TULP3: variants seen among roughly 807,000 people sequenced by gnomAD.
TULP3 encodes the protein TUB like protein 3.
TULP3 carries 38 observed loss-of-function variants against 50.7 expected under a neutral mutation model. The ratio of observed to expected loss-of-function variants is 0.75; its 90% CI spans 0.58 to 0.98. TULP3 has a LOEUF of 0.98. Ranked by LOEUF, TULP3 falls within the 50% of genes least tolerant of loss-of-function variation. The pLI, the probability that TULP3 is intolerant of heterozygous loss-of-function variation, is 0.00. For synonymous variants in TULP3, 183 were observed against 196.6 expected, an observed-to-expected ratio of 0.93 and a Z score of 0.58; for missense variants, 550 against 568.0, an observed-to-expected ratio of 0.97 and a Z score of 0.32.
intron 10 of TULP3, 66 bp downstream of exon 10, chr12:2,938,351 A>G: frequency 6.5e-7 from 1 of 1,528,864 alleles, no homozygotes. Context: ...GGGAATGCAC[A>G]TTCCCTGTAC....
At chr12:2,931,742 T>TTAATA (rs2098198181) in intron 6 of TULP3, among the ~76,000 whole-genome samples, 1 of 152,156 alleles carries the variant, frequency 6.6e-6, no homozygotes, top group Non-Finnish European at 1.5e-5. Flanking sequence ...TAATACCAGG[T>TTAATA]CTTAACAGAT....
intron 4 of TULP3, among the ~76,000 whole-genome samples, chr12:2,924,198 G>A (rs1255108231): frequency 6.6e-6 from 1 of 152,152 alleles, no homozygotes; most frequent in Non-Finnish European, 1.5e-5. Context: ...CACTTTCCCA[G>A]AGAAAGTGAT....
At position 2,938,150 on chromosome 12, in the gene TULP3, A is replaced by C. The variant is rs1248541438; in HGVS notation, c.1060A>C (p.Thr354Pro). Residue 354 changes from threonine to proline, a missense_variant, in exon 10 of 11, where the codon ACT becomes CCT. Thr to Pro is a conservative substitution (Grantham distance 38). Transcript: ENST00000448120. ...TTTGCTCTCAAGGTGGCAGAACAGAACTATGGAAAATCTGGTTGAGCTGCA... is the reference window on the plus strand; with the variant it reads ...TTTGCTCTCAAGGTGGCAGAACAGACCTATGGAAAATCTGGTTGAGCTGCA... ...DSLLSRWQNRTMENLVELHNK... is the reference protein window; with the variant it reads ...DSLLSRWQNRPMENLVELHNK... The C allele has an allele frequency of 6.2e-7, 1 of 1,614,098 alleles. No individual in the cohort carries two copies. The highest frequency in any genetic ancestry group is 8.5e-7 in the Non-Finnish European group (1 of 1,180,040).
chr12:2,901,545 C>G (rs2098179293), intron 1 of TULP3, among the ~76,000 whole-genome samples: 1 of 151,690 alleles, frequency 6.6e-6, no homozygotes, highest in African/African-American at 2.4e-5. Flanking sequence ...CCACACCTGG[C>G]TTATTTTTTG....
At chr12:2,925,845 G>A (rs982992943) in intron 4 of TULP3, among the ~76,000 whole-genome samples, 1 of 152,198 alleles carries the variant, frequency 6.6e-6, no homozygotes, top group Non-Finnish European at 1.5e-5. Flanking sequence ...ATCCCTGACT[G>A]TAAACACCAC....
rs1390422418 is a variant in TULP3 at position 2,940,182 on chromosome 12, A to G, written c.*738A>G. The stretch of plus-strand genomic sequence containing the variant: ...TGACAGTAATGTGATAATTGCCTTC[A>G]TTTTCAACCCAGGAGTGCCTCTCAC... On this transcript the variant is annotated 3_prime_UTR_variant, in exon 11 of 11. Coordinates refer to ENST00000448120, the MANE Select transcript of TULP3 (RefSeq NM_003324.5). 1 of 1,311,522 alleles carries G rather than the reference A, an allele frequency of 7.6e-7. No individual in the cohort carries two copies. Among genetic ancestry groups the G allele is most frequent in the South Asian group, 1.2e-5 (1 of 81,226 alleles). The allele number at this position is 1,311,522 out of a possible 1,614,324, so 81.2% of individuals were successfully genotyped here.
intron 2 of TULP3, among the ~76,000 whole-genome samples, chr12:2,920,544 A>G (rs1044755664): frequency 1.3e-5 from 2 of 152,152 alleles, no homozygotes; most frequent in Non-Finnish European, 2.9e-5. Context: ...CTGATTTTAA[A>G]TAGATCTTTA....
At chr12:2,916,892 T>A (rs1393930094) in intron 2 of TULP3, among the ~76,000 whole-genome samples, 1 of 152,130 alleles carries the variant, frequency 6.6e-6, no homozygotes, top group Admixed American at 6.6e-5. Context: ...CTACAGTTGT[T>A]TTTTTCTTAA....
At chr12:2,900,296 C>T (rs543456444) in intron 1 of TULP3, among the ~76,000 whole-genome samples, 1 of 152,266 alleles carries the variant, frequency 6.6e-6, no homozygotes, top group African/African-American at 2.4e-5. Context: ...TACTTTCCTC[C>T]TTTCTCCTCA....
intron 2 of TULP3, among the ~76,000 whole-genome samples, chr12:2,919,585 G>C (rs1565503193): frequency 6.6e-6 from 1 of 152,128 alleles, no homozygotes; most frequent in Non-Finnish European, 1.5e-5. Context: ...ACAGTAGTAA[G>C]TGGGTTATAA....
At position 2,894,093 on chromosome 12, in the gene TULP3, C is replaced by T. The variant is rs556230941; in HGVS notation, c.41+3105C>T. ...TGCTGGAACTTGAGCCCTATCTGGC[C>T]TTTTGTAAGTGATAGAGAATTGAGA... On this transcript the variant is annotated intron_variant, in intron 1 of 10. Transcript: ENST00000448120. Among the ~76,000 whole-genome samples the T allele has an allele frequency of 9.9e-5, 15 of 152,174 alleles. No homozygotes were observed. In the South Asian group the frequency reaches 3.1e-3, roughly 32 times the overall value.
intron 4 of TULP3, among the ~76,000 whole-genome samples, chr12:2,925,479 G>A (rs1280240561): frequency 6.6e-6 from 1 of 152,208 alleles, no homozygotes; most frequent in African/African-American, 2.4e-5. Flanking sequence ...AGAAGGATGT[G>A]TGTCTGCCTA....
rs932855425 is a variant in TULP3 at position 2,911,059 on chromosome 12, C to T, written c.93+1479C>T. Among the ~76,000 whole-genome samples the T allele has an allele frequency of 3.3e-5, 5 of 151,378 alleles. No homozygotes were observed. In the South Asian group the frequency reaches 6.2e-4, roughly 19 times the overall value. ...ATGGATCATGTTCTAAGACATCAAA[C>T]TTTAAATTTTGTATATAGATACATT... On this transcript the variant is annotated intron_variant, in intron 2 of 10. Transcript: ENST00000448120.
At chr12:2,910,967 C>G (rs1369916601) in intron 2 of TULP3, among the ~76,000 whole-genome samples, 1 of 152,164 alleles carries the variant, frequency 6.6e-6, no homozygotes, top group Non-Finnish European at 1.5e-5. Flanking sequence ...TATTCTTAGG[C>G]ATCCTAGTAT....
chr12:2,927,166 G>A (rs970039067), intron 4 of TULP3, among the ~76,000 whole-genome samples: 2 of 151,922 alleles, frequency 1.3e-5, no homozygotes, highest in African/African-American at 4.8e-5. Flanking sequence ...CTTGCATAAT[G>A]TTTTCAGGGT....
intron 4 of TULP3, among the ~76,000 whole-genome samples, chr12:2,924,588 G>C (rs1234090846): frequency 6.6e-6 from 1 of 152,022 alleles, no homozygotes; most frequent in Non-Finnish European, 1.5e-5. Context: ...GGTTGTGCTA[G>C]GAGGATTGCT....
intron 1 of TULP3, among the ~76,000 whole-genome samples, chr12:2,893,071 G>T (rs1016012770): frequency 3.3e-5 from 5 of 151,616 alleles, no homozygotes; most frequent in Admixed American, 6.6e-5. Flanking sequence ...TCGTCATGTT[G>T]CTCAGGCTGG....
At chr12:2,912,852 C>T (rs1406882550) in intron 2 of TULP3, among the ~76,000 whole-genome samples, 3 of 152,156 alleles carry the variant, frequency 2.0e-5, no homozygotes, top group Admixed American at 1.3e-4. Flanking sequence ...AGGATTAATT[C>T]ACCTCTTCTG....
chr12:2,915,600 G>A (rs1260312633), intron 2 of TULP3, among the ~76,000 whole-genome samples: 1 of 150,218 alleles, frequency 6.7e-6, no homozygotes, highest in East Asian at 2.0e-4. Context: ...GTGCAGTGGT[G>A]CAATCTCAGC....
Sources: gnomAD v4.1 joint callset for allele counts (sites outside exome capture counted in the v4.1 genomes callset) on GRCh38, gnomAD v4.1.1 for gene constraint, MANE v1.5 for transcripts, NCBI Gene and HGNC (gene_info 2026-07-23, HGNC 2026-07-21) for gene names.